Variants in UGT1A8 observed in about 807,000 individuals in gnomAD.
The protein encoded by UGT1A8 is UDP glucuronosyltransferase family 1 member A8, also known as UDP-glucuronosyltransferase 1A8.
UGT1A8 carries 39 observed loss-of-function variants against 45.3 expected under a neutral mutation model. The observed-to-expected ratio is 0.86, with a 90% CI of 0.67 to 1.12. The LOEUF (loss-of-function observed/expected upper bound fraction) is 1.12, where lower values mean the gene tolerates loss of function less well. Ranked by LOEUF, UGT1A8 falls within the 50% of genes most tolerant of loss-of-function variation. The probability of loss-of-function intolerance (pLI) is 0.00; values close to 1 mark genes in which losing one functional copy is unlikely to be tolerated. For missense variants in UGT1A8, 719 were observed against 664.9 expected (o/e 1.08, Z -0.90); for synonymous variants, 275 against 249.2 (o/e 1.10, Z -0.97).
chr2:233,660,078 T>C (rs2073934446), intron 1 of UGT1A8, among the ~76,000 whole-genome samples: 1 of 152,224 alleles, frequency 6.6e-6, no homozygotes, highest in South Asian at 2.1e-4. Context: ...AGTCCCTTGA[T>C]TGGCTCTGTT....
intron 1 of UGT1A8, among the ~76,000 whole-genome samples, chr2:233,728,589 C>T (rs2077730663): frequency 1.3e-5 from 2 of 152,316 alleles, no homozygotes; most frequent in South Asian, 2.1e-4. Context: ...ACGACCAAAA[C>T]CACATAGCCA....
At chr2:233,672,802 T>C in intron 1 of UGT1A8, 1 of 1,611,824 alleles carries the variant, frequency 6.2e-7, no homozygotes, top group Non-Finnish European at 8.5e-7. Context: ...AAGTTATCTC[T>C]CCTTTAGCAC....
At chr2:233,698,025 A>G (rs1191813775) in intron 1 of UGT1A8, among the ~76,000 whole-genome samples, 3 of 152,166 alleles carry the variant, frequency 2.0e-5, no homozygotes, top group Non-Finnish European at 2.9e-5. Context: ...GGTACCAATT[A>G]TCTTATTTTT....
At position 233,731,965 on chromosome 2, in the gene UGT1A8, A is replaced by T. The variant is rs1487707523; in HGVS notation, c.856-35069A>T. ...ACATCTGTTGTTTCCTGACTTTTTA[A>T]TGGTCACCATTCTAACTGGCGTGAG... On this transcript the variant is annotated intron_variant, in intron 1 of 4. Coordinates refer to ENST00000373450, the MANE Select transcript of UGT1A8 (RefSeq NM_019076.5). 2.6e-5 allele frequency among the ~76,000 whole-genome samples: 4 copies of T among 152,240 alleles called. No individual in the cohort carries two copies. The East Asian group carries it at 7.7e-4, about 29-fold the overall frequency.
At chr2:233,729,623 C>T (rs142986334) in intron 1 of UGT1A8, 391 of 1,613,794 alleles carry the variant, frequency 2.4e-4, no homozygotes, top group Non-Finnish European at 3.1e-4. Context: ...AAGTACCTGT[C>T]GATTCCTACT....
chr2:233,728,196 A>G (rs1328126266), intron 1 of UGT1A8, among the ~76,000 whole-genome samples: 1 of 152,202 alleles, frequency 6.6e-6, no homozygotes, highest in East Asian at 1.9e-4. Flanking sequence ...TTGGTGCTGG[A>G]TTGACTTGGA....
chr2:233,767,314 G>A, intron 2 of UGT1A8, 149 bp downstream of exon 2: 1 of 1,489,626 alleles, frequency 6.7e-7, no homozygotes, highest in Non-Finnish European at 8.8e-7. Flanking sequence ...GGTTTTTTTT[G>A]TTGTTGTGGT....
chr2:233,755,274 G>T, intron 1 of UGT1A8: 1 of 734,282 alleles, frequency 1.4e-6, no homozygotes, highest in Non-Finnish European at 2.1e-6. Flanking sequence ...CACTATGCTG[G>T]ACTGCCAAAG....
intron 1 of UGT1A8, among the ~76,000 whole-genome samples, chr2:233,706,344 A>G (rs1211445114): frequency 6.6e-6 from 1 of 152,332 alleles, no homozygotes; most frequent in East Asian, 1.9e-4. Flanking sequence ...GTGACCCTGA[A>G]AAAACATTCT....
chr2:233,645,149 T>C (rs944443885), intron 1 of UGT1A8, among the ~76,000 whole-genome samples: 2 of 152,202 alleles, frequency 1.3e-5, no homozygotes, highest in Non-Finnish European at 2.9e-5. Flanking sequence ...AAAGCATCGA[T>C]GAAAGCAATC....
At chr2:233,693,535 C>T in intron 1 of UGT1A8, 1 of 1,614,120 alleles carries the variant, frequency 6.2e-7, no homozygotes, top group Non-Finnish European at 8.5e-7. Flanking sequence ...TTCCGTGTTC[C>T]CTGGAGCATA....
At chr2:233,681,588 T>A (rs1277649218) in intron 1 of UGT1A8, among the ~76,000 whole-genome samples, 1 of 151,560 alleles carries the variant, frequency 6.6e-6, no homozygotes, top group Non-Finnish European at 1.5e-5. Flanking sequence ...ATTCCAAAAT[T>A]ATTAGCTTCG....
chr2:233,644,213 G>T (rs1455427878), intron 1 of UGT1A8, among the ~76,000 whole-genome samples: 1 of 152,154 alleles, frequency 6.6e-6, no homozygotes, highest in Non-Finnish European at 1.5e-5. Flanking sequence ...GGTGAGGTCT[G>T]TGGGCATTCA....
chr2:233,707,693 G>A lies in UGT1A8; in HGVS notation c.856-59341G>A, dbSNP rs369613240. 2.2e-3 allele frequency among the ~76,000 whole-genome samples: 337 copies of A among 152,208 alleles called. 2 individuals are homozygous for A. The highest frequency in any genetic ancestry group is 3.8e-3 in the Non-Finnish European group (256 of 68,004). On this transcript the variant is annotated intron_variant, in intron 1 of 4. Transcript: ENST00000373450. ...TTCTACTGTTGATGGGCTTTGGGTT[G>A]TATCTAGCTTTTCACTACTGTGAAC...
chr2:233,704,016 G>A (rs1353580305), intron 1 of UGT1A8, among the ~76,000 whole-genome samples: 1 of 151,762 alleles, frequency 6.6e-6, no homozygotes. Context: ...TCAGCCGCCC[G>A]AGCAGCTGGA....
At chr2:233,672,933 G>A (rs942835332) in intron 1 of UGT1A8, 128 of 1,447,738 alleles carry the variant, frequency 8.8e-5, no homozygotes, top group South Asian at 8.4e-4. Flanking sequence ...GTGCCAATGC[G>A]TGTACTCGTC....
chr2:233,693,484 T>C (rs1575449694), intron 1 of UGT1A8: 1 of 1,614,198 alleles, frequency 6.2e-7, no homozygotes, highest in East Asian at 2.2e-5. Context: ...TGATCCTGGC[T>C]GAGTATTTGG....
intron 1 of UGT1A8, among the ~76,000 whole-genome samples, chr2:233,679,402 G>T (rs1216966194): frequency 1.3e-5 from 2 of 152,040 alleles, no homozygotes; most frequent in East Asian, 3.9e-4. Context: ...CAAGGCTTGA[G>T]GTTTGGCAGT....
chr2:233,665,857 C>A (rs1299890339), intron 1 of UGT1A8, among the ~76,000 whole-genome samples: 6 of 152,074 alleles, frequency 3.9e-5, no homozygotes, highest in Non-Finnish European at 7.4e-5. Flanking sequence ...TAAGAATTTG[C>A]CAGACAATAT....
Sources: gnomAD v4.1 joint callset for allele counts (sites outside exome capture counted in the v4.1 genomes callset) on GRCh38, gnomAD v4.1.1 for gene constraint, MANE v1.5 for transcripts, NCBI Gene and HGNC (gene_info 2026-07-23, HGNC 2026-07-21) for gene names.